TLR6: variants seen among roughly 807,000 people sequenced by gnomAD.
TLR6 encodes toll like receptor 6, also known as toll-like receptor 6.
Under a neutral mutation model 16.1 loss-of-function variants are expected in TLR6, and 9 were observed. The ratio of observed to expected loss-of-function variants is 0.56; its 90% CI spans 0.34 to 0.98. The LOEUF is 0.98. Among genes scored for constraint, TLR6 ranks in the 50% least tolerant of loss-of-function variants. The pLI is 0.02. For missense variants in TLR6, 786 were observed against 921.0 expected (o/e 0.85, Z 1.90); for synonymous variants, 340 against 338.6 (o/e 1.00, Z -0.04).
the TLR6 span, among the ~76,000 whole-genome samples, chr4:38,862,453 G>T: frequency 2.0e-5 from 3 of 151,794 alleles, no homozygotes; most frequent in African/African-American, 7.3e-5. Flanking sequence ...GCTAATTTTT[G>T]TATTTTTAGT....
chr4:38,849,084 C>G (rs1712660192), intron 1 of TLR6, among the ~76,000 whole-genome samples: 1 of 152,196 alleles, frequency 6.6e-6, no homozygotes, highest in Admixed American at 6.5e-5. Context: ...GATCTCTCGG[C>G]AGAAACTCTA....
At chr4:38,868,385 C>T in the TLR6 span, 1 of 152,862 alleles carries the variant, frequency 6.5e-6, no homozygotes, top group Non-Finnish European at 1.5e-5. Context: ...TCGCCTTACT[C>T]CTCCCCCAAC....
chr4:38,828,195 C>A, exon 2 of TLR6: 1 of 1,614,060 alleles, frequency 6.2e-7, no homozygotes, highest in South Asian at 1.1e-5. Context: ...ATACTCTCAA[C>A]CCAAGTGCAG....
chr4:38,852,299 C>T (rs1191661408), intron 1 of TLR6, among the ~76,000 whole-genome samples: 2 of 152,130 alleles, frequency 1.3e-5, no homozygotes, highest in Non-Finnish European at 2.9e-5. Flanking sequence ...CTAGGCAATA[C>T]CATTCAGGAC....
the TLR6 span, among the ~76,000 whole-genome samples, chr4:38,862,589 C>CTTTT: frequency 1.0e-5 from 1 of 99,932 alleles, no homozygotes; most frequent in African/African-American, 4.7e-5. Flanking sequence ...CCCCAATCAC[C>CTTTT]ATTTTTTTTT....
exon 2 of TLR6, chr4:38,827,071 T>C: frequency 1.3e-6 from 2 of 1,550,806 alleles, no homozygotes; most frequent in Middle Eastern, 1.9e-4. Flanking sequence ...AAGTTGAATT[T>C]CCTAAATTTT....
upstream of TLR6, among the ~76,000 whole-genome samples, chr4:38,858,844 AAAGAAAG>A (rs1195147662): frequency 4.4e-5 from 4 of 91,214 alleles, no homozygotes; most frequent in Non-Finnish European, 8.8e-5. Flanking sequence ...AGAAAGAAAG[AAAGAAAG>A]AAAGAAAGAA....
At chr4:38,824,075 C>G (rs1207188195) in exon 2 of TLR6, 1 of 126,018 alleles carries the variant, frequency 7.9e-6, no homozygotes, top group Non-Finnish European at 1.6e-5. Flanking sequence ...GGAACTGTAG[C>G]CCCGCCGCCC....
intron 1 of TLR6, among the ~76,000 whole-genome samples, chr4:38,831,394 C>A (rs1264991986): frequency 6.6e-6 from 1 of 151,706 alleles, no homozygotes; most frequent in Admixed American, 6.6e-5. Flanking sequence ...ATGTATAATG[C>A]AAAACTATAA....
At chr4:38,849,491 T>C (rs969370586) in intron 1 of TLR6, among the ~76,000 whole-genome samples, 1 of 152,032 alleles carries the variant, frequency 6.6e-6, no homozygotes, top group African/African-American at 2.4e-5. Flanking sequence ...GCAAATTGGA[T>C]AAAGAGTCAA....
intron 1 of TLR6, among the ~76,000 whole-genome samples, chr4:38,830,085 A>T (rs1727753596): frequency 6.6e-6 from 1 of 152,224 alleles, no homozygotes; most frequent in Non-Finnish European, 1.5e-5. Context: ...GACCTGAGAA[A>T]ATCCTAAACT....
upstream of TLR6, among the ~76,000 whole-genome samples, chr4:38,859,565 C>CTTTTTTTT (rs372944785): frequency 4.1e-5 from 5 of 122,100 alleles, no homozygotes; most frequent in Non-Finnish European, 3.3e-5. Context: ...GATTATTGGC[C>CTTTTTTTT]TTTTTTTTTT....
the TLR6 span, among the ~76,000 whole-genome samples, chr4:38,861,926 A>G: frequency 6.6e-6 from 1 of 152,206 alleles, no homozygotes; most frequent in African/African-American, 2.4e-5. Context: ...TACCAGCTCC[A>G]GGCCAGACTT....
chr4:38,853,629 T>G (rs1712857322), intron 1 of TLR6, among the ~76,000 whole-genome samples: 1 of 152,186 alleles, frequency 6.6e-6, no homozygotes, highest in Non-Finnish European at 1.5e-5. Flanking sequence ...CACTTTCTTT[T>G]TAAGAGACAG....
intron 1 of TLR6, among the ~76,000 whole-genome samples, chr4:38,852,555 C>T (rs907276394): frequency 3.8e-4 from 58 of 152,222 alleles, no homozygotes; most frequent in South Asian, 2.9e-3. Context: ...ACAACCCCAT[C>T]AAAAAGTGGG....
intron 1 of TLR6, among the ~76,000 whole-genome samples, chr4:38,855,038 T>C (rs908192069): frequency 3.3e-5 from 5 of 151,830 alleles, no homozygotes; most frequent in African/African-American, 1.2e-4. Context: ...AAACCCCGTC[T>C]CTACTAAAAA....
intron 1 of TLR6, among the ~76,000 whole-genome samples, chr4:38,835,352 A>G (rs1194057268): frequency 6.6e-6 from 1 of 152,230 alleles, no homozygotes; most frequent in Non-Finnish European, 1.5e-5. Context: ...CTTTAAGTAT[A>G]AAACTATTAA....
At chr4:38,848,475 C>T (rs1003326779) in intron 1 of TLR6, among the ~76,000 whole-genome samples, 1 of 152,188 alleles carries the variant, frequency 6.6e-6, no homozygotes. Context: ...GACGATCAAA[C>T]TTCTCCAACT....
At chr4:38,858,714 T>G (rs1455054923), upstream of TLR6, among the ~76,000 whole-genome samples, 1 of 136,740 alleles carries the variant, frequency 7.3e-6, no homozygotes, top group Non-Finnish European at 1.5e-5. Flanking sequence ...AGTGAGACTC[T>G]GGCTCAAAAG....
Sources: allele counts gnomAD v4.1 joint callset (sites outside exome capture counted in the v4.1 genomes callset), GRCh38; gene constraint gnomAD v4.1.1; transcripts MANE v1.5; gene names NCBI Gene and HGNC (gene_info 2026-07-23, HGNC 2026-07-21).